Variants in UNC5C observed in about 807,000 individuals in gnomAD.
UNC5C encodes the protein unc-5 netrin receptor C.
A neutral mutation model predicts 99.8 loss-of-function variants in UNC5C; 47 were observed. The observed-to-expected ratio is 0.47, with a 90% CI of 0.37 to 0.60. The LOEUF (loss-of-function observed/expected upper bound fraction) is 0.60. UNC5C is among the 20% of genes least tolerant of loss of function. The pLI is 0.00. For missense variants in UNC5C, 1,062 were observed against 1,165.9 expected (o/e 0.91, Z 1.30); for synonymous variants, 487 against 452.2 (o/e 1.08, Z -0.98).
At chr4:95,189,061 C>T (rs992777926) in intron 12 of UNC5C, among the ~76,000 whole-genome samples, 3 of 152,134 alleles carry the variant, frequency 2.0e-5, no homozygotes, top group South Asian at 2.1e-4. Flanking sequence ...AGAGAAATAT[C>T]GTGACCCTGG....
At chr4:95,307,814 A>G (rs1249733214) in intron 2 of UNC5C, among the ~76,000 whole-genome samples, 5 of 152,220 alleles carry the variant, frequency 3.3e-5, no homozygotes, top group African/African-American at 4.8e-5. Context: ...GGATGTTTCA[A>G]CATTTACAAA....
intron 1 of UNC5C, among the ~76,000 whole-genome samples, chr4:95,443,559 C>T (rs1010902158): frequency 6.6e-6 from 1 of 152,092 alleles, no homozygotes; most frequent in African/African-American, 2.4e-5. Flanking sequence ...AATCTAGGAC[C>T]TTTGAGAATG....
rs1183473119 is a variant in UNC5C, at chr4:95,166,321, T to A, written c.*2913A>T. On this transcript the variant is annotated 3_prime_UTR_variant, in exon 16 of 16. Coordinates refer to ENST00000453304, the MANE Select transcript of UNC5C (RefSeq NM_003728.4). Reference sequence around the variant, plus strand: ...TACTTTACTCCAAAGGAGAAGGAAATCAGAATTTGTAGTGAAAATTATTTG... The same window carrying A: ...TACTTTACTCCAAAGGAGAAGGAAAACAGAATTTGTAGTGAAAATTATTTG... The A allele has an allele frequency of 6.6e-6, 1 of 152,226 alleles. No homozygotes were observed. Among genetic ancestry groups the A allele is most frequent in the African/African-American group, 2.4e-5 (1 of 41,454 alleles). 9.4% of individuals were successfully genotyped at this position (152,226 alleles called of 1,614,324 possible). A position where few individuals can be genotyped will look rare whatever the true frequency, so the allele number is the denominator to read the frequency against.
At chr4:95,424,412 T>C (rs1746404337) in intron 1 of UNC5C, among the ~76,000 whole-genome samples, 1 of 151,838 alleles carries the variant, frequency 6.6e-6, no homozygotes, top group Admixed American at 6.6e-5. Flanking sequence ...GACGGCTTCA[T>C]ATATATTGAA....
At chr4:95,399,050 G>A (rs1389489877) in intron 1 of UNC5C, among the ~76,000 whole-genome samples, 1 of 152,074 alleles carries the variant, frequency 6.6e-6, no homozygotes, top group Admixed American at 6.5e-5. Context: ...AATAAGGTCA[G>A]TTTACTTTAA....
chr4:95,257,921 A>T (rs563623609), intron 4 of UNC5C, among the ~76,000 whole-genome samples: 25 of 152,370 alleles, frequency 1.6e-4, no homozygotes, highest in African/African-American at 5.8e-4. Context: ...AAGCGTTAAT[A>T]AAACTTAGAA....
At chr4:95,273,483 A>C (rs1008752639) in intron 4 of UNC5C, among the ~76,000 whole-genome samples, 14 of 152,204 alleles carry the variant, frequency 9.2e-5, no homozygotes, top group African/African-American at 3.4e-4. Context: ...AAGAGGATTA[A>C]TTTCATAGAG....
At chr4:95,229,161 G>A (rs1738806468) in intron 7 of UNC5C, among the ~76,000 whole-genome samples, 1 of 152,156 alleles carries the variant, frequency 6.6e-6, no homozygotes, top group Admixed American at 6.5e-5. Flanking sequence ...CAAGTTCTGA[G>A]ATACATGTGC....
chr4:95,540,141 C>T (rs745802054), intron 1 of UNC5C, among the ~76,000 whole-genome samples: 1 of 152,144 alleles, frequency 6.6e-6, no homozygotes, highest in Non-Finnish European at 1.5e-5. Context: ...CAAACAAGCA[C>T]ATCCTGCCCA....
At chr4:95,354,432 T>C (rs1744097289) in intron 1 of UNC5C, among the ~76,000 whole-genome samples, 1 of 149,206 alleles carries the variant, frequency 6.7e-6, no homozygotes, top group Admixed American at 6.7e-5. Flanking sequence ...CCTTCTGTCT[T>C]CAATGACTTT....
intron 1 of UNC5C, among the ~76,000 whole-genome samples, chr4:95,357,685 G>A (rs1449910650): frequency 6.6e-6 from 1 of 152,006 alleles, no homozygotes; most frequent in Admixed American, 6.6e-5. Flanking sequence ...TCAGCTACTG[G>A]GAAGCCTGAG....
At position 95,202,763 on chromosome 4, in the gene UNC5C, A is replaced by G; in HGVS notation, c.2104T>C (p.Tyr702His). Residue 702 changes from tyrosine to histidine, a missense_variant, in exon 12 of 16, where the codon TAC becomes CAC. Transcript: ENST00000453304. Reference protein sequence around the residue: ...CSSLEYSIRVYCLDDTQDALK... With the variant: ...CSSLEYSIRVHCLDDTQDALK... ...GCATCCTGGGTGTCATCCAGACAGTAGACTCGGATGCTGTACTCCAGCGAG... is the reference window on the plus strand; with the variant it reads ...GCATCCTGGGTGTCATCCAGACAGTGGACTCGGATGCTGTACTCCAGCGAG... 1 of 1,614,228 alleles carries G rather than the reference A, an allele frequency of 6.2e-7. No homozygotes were observed. The highest frequency in any genetic ancestry group is 8.5e-7 in the Non-Finnish European group (1 of 1,180,034).
intron 7 of UNC5C, among the ~76,000 whole-genome samples, chr4:95,230,095 G>A (rs1259353247): frequency 1.3e-5 from 2 of 152,072 alleles, no homozygotes; most frequent in African/African-American, 4.8e-5. Context: ...ACAGGTGTGA[G>A]CCACTGTGCC....
chr4:95,526,948 C>G (rs1016865004), intron 1 of UNC5C, among the ~76,000 whole-genome samples: 1 of 151,950 alleles, frequency 6.6e-6, no homozygotes, highest in Non-Finnish European at 1.5e-5. Context: ...GAATATGTAG[C>G]ACTAAAAGAA....
At chr4:95,188,438 G>T (rs1429159576) in intron 12 of UNC5C, among the ~76,000 whole-genome samples, 1 of 152,206 alleles carries the variant, frequency 6.6e-6, no homozygotes, top group Non-Finnish European at 1.5e-5. Context: ...CACAGGAACA[G>T]GAGCTGACTC....
At chr4:95,453,077 T>C (rs1383988358) in intron 1 of UNC5C, among the ~76,000 whole-genome samples, 2 of 152,088 alleles carry the variant, frequency 1.3e-5, no homozygotes, top group Admixed American at 6.6e-5. Flanking sequence ...TGAAACTAGT[T>C]TTTCTCCCTT....
At position 95,182,981 on chromosome 4, in the gene UNC5C, G is replaced by A. The variant is rs767692546; in HGVS notation, c.2367C>T (p.Asn789=). ...AGAGTTTGCAAACCAGCTCCACTGT[G>A]TTCAGGCTAAATCTTTCCAGAGTGA... The part of the protein sequence containing the change: ...CTFTLERFSL[N]TVELVCKLCV... The change falls in exon 14 of 16, where the codon AAC becomes AAT. Residue 789 remains asparagine, a synonymous_variant. Transcript: ENST00000453304. 4 of 1,613,710 alleles carry A rather than the reference G, an allele frequency of 2.5e-6. No individual in the cohort carries two copies. The highest frequency in any genetic ancestry group is 1.7e-5 in the Admixed American group (1 of 60,000).
At chr4:95,334,869 C>T (rs1037487579) in intron 2 of UNC5C, among the ~76,000 whole-genome samples, 4 of 151,864 alleles carry the variant, frequency 2.6e-5, no homozygotes, top group Non-Finnish European at 5.9e-5. Flanking sequence ...TCTGAATCAC[C>T]CTCAATTTAA....
intron 1 of UNC5C, among the ~76,000 whole-genome samples, chr4:95,365,427 TATAA>T (rs1466549615): frequency 1.4e-5 from 2 of 139,150 alleles, no homozygotes; most frequent in African/African-American, 5.3e-5. Context: ...ATATTTTTCA[TATAA>T]ATAATGTAAA....
Sources: gnomAD v4.1 joint callset for allele counts (sites outside exome capture counted in the v4.1 genomes callset) on GRCh38, gnomAD v4.1.1 for gene constraint, MANE v1.5 for transcripts, NCBI Gene and HGNC (gene_info 2026-07-23, HGNC 2026-07-21) for gene names.